Variants in KBTBD8 observed in about 807,000 individuals in gnomAD.
KBTBD8 encodes kelch repeat and BTB domain-containing protein 8.
KBTBD8 carries 31 observed loss-of-function variants against 53.5 expected under a neutral mutation model. That is an observed-to-expected ratio of 0.58 (90% CI 0.44 to 0.78). The LOEUF (loss-of-function observed/expected upper bound fraction) is 0.78. KBTBD8 is among the 30% of genes least tolerant of loss of function. The pLI is 0.00. For synonymous variants in KBTBD8, 250 were observed against 247.3 expected, an observed-to-expected ratio of 1.01 and a Z score of -0.10; for missense variants, 642 against 735.8, an observed-to-expected ratio of 0.87 and a Z score of 1.48.
At chr3:67,001,627 G>A (rs1158225658) in intron 2 of KBTBD8, among the ~76,000 whole-genome samples, 1 of 152,110 alleles carries the variant, frequency 6.6e-6, no homozygotes, top group Non-Finnish European at 1.5e-5. Flanking sequence ...ATTGGTAGCT[G>A]TATCGGTGAG....
At position 67,007,998 on chromosome 3, in the gene KBTBD8, G is replaced by A. The variant is rs762561282; in HGVS notation, c.1419G>A (p.Gln473=). ...FLTPMTVPRI[Q]GLAAVYKDSI... ...CCCCCATGACTGTGCCTAGAATCCA[G>A]GGCTTAGCAGCTGTATACAAGGACT... The change falls in exon 4 of 4, where the codon CAG becomes CAA. Residue 473 remains glutamine (Q), a synonymous_variant. Coordinates refer to ENST00000417314, the MANE Select transcript of KBTBD8 (RefSeq NM_032505.3). 2.5e-6 allele frequency: 4 copies of A among 1,613,078 alleles called. No homozygotes were observed. The African/African-American group carries it at 5.4e-5, about 22-fold the overall frequency.
chr3:67,009,234 A>G lies in KBTBD8; in HGVS notation c.*849A>G, dbSNP rs1702096323. 1 of 152,598 alleles carries G rather than the reference A, an allele frequency of 6.6e-6. No individual in the cohort carries two copies. Among genetic ancestry groups the G allele is most frequent in the Admixed American group, 6.6e-5 (1 of 15,258 alleles). The allele number at this position is 152,598 out of a possible 1,614,324, so 9.5% of individuals were successfully genotyped here. A position where few individuals can be genotyped will look rare whatever the true frequency, so the allele number is the denominator to read the frequency against. The stretch of plus-strand genomic sequence containing the variant: ...TGTTGAACTCTTGTGATTTCACAAG[A>G]TTCTCTACTTATGTGATAGGAGGGT... On this transcript the variant is annotated 3_prime_UTR_variant, in exon 4 of 4. Coordinates refer to ENST00000417314, the MANE Select transcript of KBTBD8 (RefSeq NM_032505.3).
intron 3 of KBTBD8, among the ~76,000 whole-genome samples, chr3:67,007,408 T>A (rs550403090): frequency 1.1e-3 from 157 of 149,120 alleles, no homozygotes; most frequent in Non-Finnish European, 1.4e-3. Flanking sequence ...ATCCTTCACC[T>A]CCTGGGTTCA....
intron 3 of KBTBD8, among the ~76,000 whole-genome samples, chr3:67,005,549 C>G (rs1469851499): frequency 6.6e-6 from 1 of 152,210 alleles, no homozygotes; most frequent in Non-Finnish European, 1.5e-5. Flanking sequence ...ACAACTATCA[C>G]TTAATGATGC....
At chr3:67,006,259 G>T (rs1287952796) in intron 3 of KBTBD8, among the ~76,000 whole-genome samples, 1 of 152,158 alleles carries the variant, frequency 6.6e-6, no homozygotes, top group Non-Finnish European at 1.5e-5. Context: ...TTCCTATTTG[G>T]AATGTGAAGT....
At chr3:66,998,592 C>T (rs1559555363) in intron 1 of KBTBD8, among the ~76,000 whole-genome samples, 2 of 152,206 alleles carry the variant, frequency 1.3e-5, no homozygotes, top group East Asian at 1.9e-4. Context: ...CGCTGCGCCC[C>T]AGGAGGCAGC....
chr3:67,010,997 G>T lies in KBTBD8; in HGVS notation c.*2612G>T, dbSNP rs139211684. The T allele has an allele frequency of 2.8e-3, 429 of 152,658 alleles. 5 individuals are homozygous for T. The highest frequency in any genetic ancestry group is 3.6e-3 in the Non-Finnish European group (248 of 68,002). 9.5% of individuals were successfully genotyped at this position (152,658 alleles called of 1,614,324 possible). A position where few individuals can be genotyped will look rare whatever the true frequency, so the allele number is the denominator to read the frequency against. On this transcript the variant is annotated 3_prime_UTR_variant, in exon 4 of 4. Transcript: ENST00000417314. The stretch of plus-strand genomic sequence containing the variant: ...ATCAAGCTGATTTTATTGGTCATGA[G>T]AACAAATGGATGTGATCATGAAGGA...
In KBTBD8 at chr3:67,009,362, T is replaced by C. The variant is rs1702097594; in HGVS notation, c.*977T>C. ...ATTTGTAGCCCAACCTTCTCTTCCA[T>C]CTACCTGTCCATTCATTATTGGTAC... On this transcript the variant is annotated 3_prime_UTR_variant, in exon 4 of 4. Transcript: ENST00000417314. 6.6e-6 allele frequency: 1 copy of C among 152,628 alleles called. No homozygotes were observed. The highest frequency in any genetic ancestry group is 2.1e-4 in the South Asian group (1 of 4,832). 9.5% of individuals were successfully genotyped at this position (152,628 alleles called of 1,614,324 possible). A position where few individuals can be genotyped will look rare whatever the true frequency, so the allele number is the denominator to read the frequency against.
At position 67,008,599 on chromosome 3, in the gene KBTBD8, T is replaced by A. The variant is rs1702090706; in HGVS notation, c.*214T>A. On this transcript the variant is annotated 3_prime_UTR_variant, in exon 4 of 4. Transcript: ENST00000417314. ...AGATAACAAAGTGCAATTATCAGCA[T>A]TTTTTTTTCCTGGCATAAAATTAAT... The A allele has an allele frequency of 2.2e-6, 1 of 445,408 alleles. No homozygotes were observed. The allele number at this position is 445,408 out of a possible 1,614,324, so 27.6% of individuals were successfully genotyped here.
intron 3 of KBTBD8, among the ~76,000 whole-genome samples, chr3:67,007,696 G>C (rs1225929328): frequency 6.6e-6 from 1 of 151,914 alleles, no homozygotes; most frequent in African/African-American, 2.4e-5. Context: ...TCCCAATTCA[G>C]GTTGATTATA....
chr3:67,003,058 C>A, intron 2 of KBTBD8, 137 bp from the exon 3 acceptor site: 1 of 915,918 alleles, frequency 1.1e-6, no homozygotes, highest in Non-Finnish European at 1.6e-6. Context: ...TACTCCTATT[C>A]AGAATATCAG....
intron 2 of KBTBD8, among the ~76,000 whole-genome samples, chr3:67,001,353 C>T (rs1169792645): frequency 6.6e-6 from 1 of 152,136 alleles, no homozygotes; most frequent in East Asian, 1.9e-4. Context: ...ATACCAGTAA[C>T]TCATCAGAAT....
Position 67,003,609 on chromosome 3 carries a change from T to TG in KBTBD8, c.643dup (p.Glu215GlyfsTer8). 6.2e-7 allele frequency: 1 copy of TG among 1,614,064 alleles called. No individual in the cohort carries two copies. The highest frequency in any genetic ancestry group is 1.1e-5 in the South Asian group (1 of 91,084). On this transcript the variant is annotated frameshift_variant, in exon 3 of 4. Coordinates refer to ENST00000417314, the MANE Select transcript of KBTBD8 (RefSeq NM_032505.3). LOFTEE classifies it high-confidence loss of function. ...ATGTAGACCGAGAAGAGCATGTTTA[T>TG]GAAAGCATTATAAGGTGGTTTGAGC...
intron 3 of KBTBD8, among the ~76,000 whole-genome samples, chr3:67,007,519 A>C (rs537762658): frequency 1.3e-5 from 2 of 152,116 alleles, no homozygotes; most frequent in East Asian, 3.9e-4. Flanking sequence ...GGGTTTCACC[A>C]TGTTGGCCAG....
At chr3:67,007,709 A>G (rs1328430104) in intron 3 of KBTBD8, among the ~76,000 whole-genome samples, 1 of 152,074 alleles carries the variant, frequency 6.6e-6, no homozygotes, top group African/African-American at 2.4e-5. Context: ...TGATTATAAT[A>G]TTATCTGTTA....
chr3:67,000,719 A>AAAAAC (rs200424245), intron 2 of KBTBD8, among the ~76,000 whole-genome samples: 1 of 152,120 alleles, frequency 6.6e-6, no homozygotes, highest in Non-Finnish European at 1.5e-5. Flanking sequence ...TAGTAAAAAC[A>AAAAAC]AAAACAAAAC....
intron 2 of KBTBD8, among the ~76,000 whole-genome samples, chr3:67,002,936 A>G (rs1575579318): frequency 6.6e-6 from 1 of 152,094 alleles, no homozygotes; most frequent in Admixed American, 6.5e-5. Context: ...TTTGATTTGC[A>G]TTTACTTAGG....
chr3:67,003,453 T>C lies in KBTBD8; in HGVS notation c.486T>C (p.Tyr162=), dbSNP rs755594729. 1.6e-5 allele frequency: 26 copies of C among 1,614,206 alleles called. No individual in the cohort carries two copies. Among genetic ancestry groups the C allele is most frequent in the Non-Finnish European group, 2.2e-5 (26 of 1,180,032 alleles). ...GGGTCTTTATCTTTGCTGATCATTA[T>C]GGTCATCAGGAACTCGGAGATCGAT... The part of the protein sequence containing the change: ...SIGVFIFADH[Y]GHQELGDRSK... The change falls in exon 3 of 4, where the codon TAT becomes TAC. Residue 162 remains tyrosine (Y), a synonymous_variant. Transcript: ENST00000417314.
rs1282443720 is a variant in KBTBD8 at position 67,010,787 on chromosome 3, A to G, written c.*2402A>G. ...AATGGGTACTACAGAATTAAAATGT[A>G]GGTCTAACATAATGCCAGTTCCACT... is the stretch of plus-strand genomic sequence containing the variant. On this transcript the variant is annotated 3_prime_UTR_variant, in exon 4 of 4. Coordinates refer to ENST00000417314, the MANE Select transcript of KBTBD8 (RefSeq NM_032505.3). 2.0e-5 allele frequency: 3 copies of G among 152,646 alleles called. No individual in the cohort carries two copies. The highest frequency in any genetic ancestry group is 4.4e-5 in the Non-Finnish European group (3 of 68,026). 9.5% of individuals were successfully genotyped at this position (152,646 alleles called of 1,614,324 possible). A position where few individuals can be genotyped will look rare whatever the true frequency, so the allele number is the denominator to read the frequency against.
Sources: gnomAD v4.1 joint callset for allele counts (sites outside exome capture counted in the v4.1 genomes callset) on GRCh38, gnomAD v4.1.1 for gene constraint, MANE v1.5 for transcripts, NCBI Gene and HGNC (gene_info 2026-07-23, HGNC 2026-07-21) for gene names.